CIITA: variants seen among roughly 807,000 people sequenced by gnomAD.
CIITA encodes the protein class II major histocompatibility complex transactivator.
A neutral mutation model predicts 115.1 loss-of-function variants in CIITA; 72 were observed. That is an observed-to-expected ratio of 0.63 (90% confidence interval 0.52 to 0.76). The LOEUF (loss-of-function observed/expected upper bound fraction) is 0.76. Ranked by LOEUF, CIITA falls within the 30% of genes least tolerant of loss-of-function variation. The pLI is 0.00. For missense variants in CIITA, 1,617 were observed against 1,463.8 expected (o/e 1.10, Z -1.71); for synonymous variants, 763 against 635.6 (o/e 1.20, Z -3.02).
rs1450541913 is a variant in CIITA at position 10,899,050 on chromosome 16, C to G, written c.436+48C>G. ...CAACCTAGCCTTGCTTGAGACCTGG[C>G]CTTTCCTTGACTCCAAAGCCTGCTG... On this transcript the variant is annotated intron_variant, in intron 5 of 19. Coordinates refer to ENST00000324288, the MANE Select transcript of CIITA (RefSeq NM_000246.4). The G allele has an allele frequency of 1.9e-6, 3 of 1,581,682 alleles. No individual in the cohort carries two copies. In the African/African-American group the frequency reaches 4.0e-5, roughly 21 times the overall value.
intron 10 of CIITA, among the ~76,000 whole-genome samples, chr16:10,905,717 G>A (rs765320764): frequency 9.9e-5 from 15 of 151,614 alleles, no homozygotes; most frequent in Non-Finnish European, 2.2e-4. Flanking sequence ...AGCTGAGATT[G>A]CGCCAGTGCA....
rs1380466385 is a variant in CIITA, at chr16:10,935,121, G to C, written c.*11266G>C. 6.6e-6 allele frequency: 1 copy of C among 152,252 alleles called. No homozygotes were observed. Among genetic ancestry groups the C allele is most frequent in the Non-Finnish European group, 1.5e-5 (1 of 68,044 alleles). The allele number at this position is 152,252 out of a possible 1,614,324, so 9.4% of individuals were successfully genotyped here. ...CTATTATCCCTGTTTTACAGAGAAG[G>C]AAACCGAGGCTTAGGAGATGAAGTC... On this transcript the variant is annotated 3_prime_UTR_variant, in exon 20 of 20. Coordinates refer to ENST00000324288, the MANE Select transcript of CIITA (RefSeq NM_000246.4).
chr16:10,894,083 C>G (rs1319635289), intron 1 of CIITA, among the ~76,000 whole-genome samples: 1 of 152,106 alleles, frequency 6.6e-6, no homozygotes, highest in Non-Finnish European at 1.5e-5. Context: ...AACACCTGGG[C>G]TCAAGCGATT....
In CIITA at chr16:10,907,564, C is replaced by T. The variant is rs78108426; in HGVS notation, c.2072C>T (p.Ala691Val). ...PSADVRTWAM[A>V]KGLVQHPPRA... ...GCAGACGTGAGGACCTGGGCGATGG[C>T]CAAAGGCTTAGTCCAACACCCACCG... The change falls in exon 11 of 20, where the codon GCC becomes GTC. Residue 691 changes from alanine (A) to valine (V), a missense_variant. Physicochemically the swap from Ala to Val is moderately conservative, Grantham distance 64 (BLOSUM62 0). Transcript: ENST00000324288. This position sits in a 1 kb window ranked among gnomAD's most constrained non-coding sequence, Gnocchi z 5.0. The T allele has an allele frequency of 1.2e-6, 2 of 1,614,164 alleles. No individual in the cohort carries two copies. Among genetic ancestry groups the T allele is most frequent in the Admixed American group, 1.7e-5 (1 of 60,028 alleles).
Position 10,922,154 on chromosome 16 carries a change from C to T in CIITA, c.3150-13C>T, listed in dbSNP as rs2040306495. 6.2e-7 allele frequency: 1 copy of T among 1,613,834 alleles called. No homozygotes were observed. ...GGCCTCCAATCCCTCCCCCTGGCCTCTGTTTCCGACAGCTTGTACAATAAC... is the reference window on the plus strand; with the variant it reads ...GGCCTCCAATCCCTCCCCCTGGCCTTTGTTTCCGACAGCTTGTACAATAAC... On this transcript the variant is annotated splice_polypyrimidine_tract_variant and intron_variant, in intron 16 of 19. Coordinates refer to ENST00000324288, the MANE Select transcript of CIITA (RefSeq NM_000246.4).
chr16:10,877,898 A>G (rs368882078), intron 1 of CIITA, among the ~76,000 whole-genome samples: 12 of 152,300 alleles, frequency 7.9e-5, no homozygotes, highest in African/African-American at 2.9e-4. Flanking sequence ...AAAAAGGGTC[A>G]GGGGACGGGG....
chr16:10,887,083 G>T (rs1009266938), intron 1 of CIITA, among the ~76,000 whole-genome samples: 2 of 152,160 alleles, frequency 1.3e-5, no homozygotes, highest in African/African-American at 4.8e-5. Context: ...GAGGACTACA[G>T]GGTGCATGAG....
chr16:10,892,421 G>C (rs2037691410), intron 1 of CIITA, among the ~76,000 whole-genome samples: 1 of 152,154 alleles, frequency 6.6e-6, no homozygotes, highest in African/African-American at 2.4e-5. Flanking sequence ...TCTCTTCTGG[G>C]CCCAGAACAG....
rs2040187793 is a variant in CIITA at position 10,920,072 on chromosome 16, T to C, written c.3149+1546T>C. On this transcript the variant is annotated intron_variant, in intron 16 of 19. Coordinates refer to ENST00000324288, the MANE Select transcript of CIITA (RefSeq NM_000246.4). This position sits in a 1 kb window ranked among gnomAD's most constrained non-coding sequence, Gnocchi z 4.5. ...GGTCAGAAGGGCCACTGTGGCTGTG[T>C]GTAGTGAATGAGGGACAGAGGCTGG... is the stretch of plus-strand genomic sequence containing the variant. 6.6e-6 allele frequency among the ~76,000 whole-genome samples: 1 copy of C among 151,848 alleles called. No individual in the cohort carries two copies. Among genetic ancestry groups the C allele is most frequent in the African/African-American group, 2.4e-5 (1 of 41,302 alleles).
At chr16:10,893,054 G>A (rs1219526275) in intron 1 of CIITA, among the ~76,000 whole-genome samples, 1 of 152,206 alleles carries the variant, frequency 6.6e-6, no homozygotes, top group Non-Finnish European at 1.5e-5. Flanking sequence ...TGAGGAGTAG[G>A]TGATGTGGCC....
chr16:10,893,541 C>T (rs931551888), intron 1 of CIITA, among the ~76,000 whole-genome samples: 2 of 152,112 alleles, frequency 1.3e-5, no homozygotes, highest in African/African-American at 4.8e-5. Context: ...AAGTACAGTT[C>T]ATGCCTGTAA....
rs558289595 is a variant in CIITA at position 10,900,631 on chromosome 16, C to T, written c.437-883C>T. 1.1e-4 allele frequency among the ~76,000 whole-genome samples: 16 copies of T among 151,798 alleles called. No homozygotes were observed. In the South Asian group the frequency reaches 2.9e-3, roughly 28 times the overall value. Reference sequence around the variant, plus strand: ...GGCGAACACCTGTAATCCCAGCTACCAGGGAGGCTAGGGTGGGAGAATCGC... The same window carrying T: ...GGCGAACACCTGTAATCCCAGCTACTAGGGAGGCTAGGGTGGGAGAATCGC... On this transcript the variant is annotated intron_variant, in intron 5 of 19. Coordinates refer to ENST00000324288, the MANE Select transcript of CIITA (RefSeq NM_000246.4).
In CIITA at chr16:10,866,296, A is replaced by G. The variant is rs944766571; in HGVS notation, c.-44A>G. 1.4e-5 allele frequency: 8 copies of G among 567,370 alleles called. No individual in the cohort carries two copies. In the African/African-American group the frequency reaches 1.5e-4, roughly 11 times the overall value. 35.1% of individuals were successfully genotyped at this position (567,370 alleles called of 1,614,324 possible). A position where few individuals can be genotyped will look rare whatever the true frequency, so the allele number is the denominator to read the frequency against. On this transcript the variant is annotated 5_prime_UTR_variant, in exon 1 of 6. Transcript: ENST00000636238. ...CCTGACTCCAAGGGCTGCCATGAAC[A>G]ACTTCCAGGCCATCCTGACTCAGGT... is the stretch of plus-strand genomic sequence containing the variant.
Position 10,908,083 on chromosome 16 carries a change from G to A in CIITA, c.2591G>A (p.Arg864His), listed in dbSNP as rs751428502. 9 of 1,608,052 alleles carry A rather than the reference G, an allele frequency of 5.6e-6. No individual in the cohort carries two copies. Among genetic ancestry groups the A allele is most frequent in the East Asian group, 2.2e-5 (1 of 44,612 alleles). ...GGCCAAGACTTCTCCCTGGACCTCC[G>A]CAGCACTGGCATTTGCCCCTCTGGA... ...AAGQDFSLDL[R>H]STGICPSGLG... The change falls in exon 11 of 20, where the codon CGC (arginine) becomes CAC (histidine). Residue 864 changes from arginine to histidine, a missense_variant. Transcript: ENST00000324288.
rs369787912 is a variant in CIITA, at chr16:10,907,588, C to T, written c.2096C>T (p.Pro699Leu). Residue 699 changes from proline (P) to leucine (L), a missense_variant, in exon 11 of 20, where the codon CCG becomes CTG. Coordinates refer to ENST00000324288, the MANE Select transcript of CIITA (RefSeq NM_000246.4). This position sits in a 1 kb window ranked among gnomAD's most constrained non-coding sequence, Gnocchi z 5.0. ...GCCAAAGGCTTAGTCCAACACCCAC[C>T]GCGGGCCGCAGAGTCCGAGCTGGCC... is the stretch of plus-strand genomic sequence containing the variant. ...AMAKGLVQHP[P>L]RAAESELAFP... 2.4e-5 allele frequency: 38 copies of T among 1,614,070 alleles called. No homozygotes were observed. The highest frequency in any genetic ancestry group is 8.9e-5 in the East Asian group (4 of 44,882).
chr16:10,936,498 G>A (rs922314303), downstream of CIITA: 2 of 152,228 alleles, frequency 1.3e-5, no homozygotes, highest in Non-Finnish European at 2.9e-5. Context: ...GAGCATGCAC[G>A]TGTACATGAG....
At chr16:10,894,246 CTT>C (rs2037895679) in intron 1 of CIITA, among the ~76,000 whole-genome samples, 1 of 151,948 alleles carries the variant, frequency 6.6e-6, no homozygotes, top group Non-Finnish European at 1.5e-5. Context: ...GGCTTCTTCA[CTT>C]AGCATTTTTT....
intron 1 of CIITA, among the ~76,000 whole-genome samples, chr16:10,894,727 G>T (rs2037948072): frequency 6.6e-6 from 1 of 152,218 alleles, no homozygotes; most frequent in South Asian, 2.1e-4. Context: ...ACTTGCTCAA[G>T]TCCACCCAAA....
In CIITA at chr16:10,941,946, C is replaced by T. The variant is rs779994659; in HGVS notation, n.1072C>T. On this transcript the variant is annotated non_coding_transcript_exon_variant, in exon 2 of 2. Transcript: ENST00000573379. This position sits in a 1 kb window ranked among gnomAD's most constrained non-coding sequence, Gnocchi z 6.4. ...ACATAGAGGGCAGCAGCGGCGGCGG[C>T]ACGTAGGGGACCAGGGGGCCCAGTG... is the stretch of plus-strand genomic sequence containing the variant. 6.3e-7 allele frequency: 1 copy of T among 1,577,550 alleles called. No individual in the cohort carries two copies. The highest frequency in any genetic ancestry group is 8.6e-7 in the Non-Finnish European group (1 of 1,162,806).
Sources: allele counts gnomAD v4.1 joint callset (sites outside exome capture counted in the v4.1 genomes callset), GRCh38; gene constraint gnomAD v4.1.1; non-coding constraint Gnocchi (gnomAD v3.1); transcripts MANE v1.5; gene names NCBI Gene and HGNC (gene_info 2026-07-23, HGNC 2026-07-21).